The following FOXN2 variants were observed in gnomAD, a reference collection of about 807,000 sequenced individuals.
The protein encoded by FOXN2 is forkhead box protein N2.
In FOXN2, 19 loss-of-function variants were observed where a neutral mutation model predicts 41.2. The observed-to-expected ratio is 0.46, with a 90% CI of 0.32 to 0.68. The LOEUF is 0.68. Ranked by LOEUF, FOXN2 falls within the 30% of genes least tolerant of loss-of-function variation. FOXN2 has a pLI of 0.03. For synonymous variants in FOXN2, 195 were observed against 176.8 expected (o/e 1.10, Z -0.82); for missense variants, 587 against 509.4 (o/e 1.15, Z -1.47).
chr2:48,317,342 G>A (rs1186615864), intron 1 of FOXN2, among the ~76,000 whole-genome samples: 5 of 151,692 alleles, frequency 3.3e-5, no homozygotes, highest in Non-Finnish European at 5.9e-5. Flanking sequence ...CCAGCTACTC[G>A]TGAGGCTGAG....
intron 2 of FOXN2, among the ~76,000 whole-genome samples, chr2:48,342,777 T>C (rs906285426): frequency 3.3e-5 from 5 of 152,150 alleles, no homozygotes; most frequent in African/African-American, 9.7e-5. Context: ...TAAACGGCTT[T>C]TTTTCCTTCT....
chr2:48,346,836 G>A, intron 3 of FOXN2, 85 bp downstream of exon 3: 1 of 1,145,694 alleles, frequency 8.7e-7, no homozygotes, highest in Admixed American at 2.7e-5. Context: ...AAATCGGGGA[G>A]ACAATAAGTA....
chr2:48,324,155 C>T (rs1429276901), intron 1 of FOXN2, among the ~76,000 whole-genome samples: 5 of 151,382 alleles, frequency 3.3e-5, no homozygotes, highest in East Asian at 3.9e-4. Flanking sequence ...CATAGTATAA[C>T]GCATAGTATT....
At chr2:48,361,453 C>T (rs1035882264) in intron 4 of FOXN2, among the ~76,000 whole-genome samples, 3 of 146,344 alleles carry the variant, frequency 2.0e-5, no homozygotes, top group Admixed American at 6.9e-5. Flanking sequence ...GGCGACAGAG[C>T]GAGACTGTGT....
At chr2:48,357,671 A>G (rs1383655436) in intron 3 of FOXN2, among the ~76,000 whole-genome samples, 1 of 151,936 alleles carries the variant, frequency 6.6e-6, no homozygotes, top group Non-Finnish European at 1.5e-5. Context: ...TCCTGAGCAC[A>G]AGCAATCACC....
chr2:48,316,316 A>G (rs1668917470), intron 1 of FOXN2, among the ~76,000 whole-genome samples: 1 of 152,206 alleles, frequency 6.6e-6, no homozygotes, highest in Admixed American at 6.5e-5. Context: ...ATGGGGAATA[A>G]TAGAGTAGTG....
intron 1 of FOXN2, among the ~76,000 whole-genome samples, chr2:48,325,924 C>T (rs1669642389): frequency 6.7e-6 from 1 of 148,938 alleles, no homozygotes; most frequent in Admixed American, 6.8e-5. Context: ...TTTTGGCTCA[C>T]TGCAAACTGT....
chr2:48,348,866 A>G (rs886950166), intron 3 of FOXN2, among the ~76,000 whole-genome samples: 1 of 152,192 alleles, frequency 6.6e-6, no homozygotes, highest in African/African-American at 2.4e-5. Flanking sequence ...GAGAGAGGTA[A>G]GATAGCTCTC....
In FOXN2 at chr2:48,331,356, A is replaced by G. The variant is rs144935388; in HGVS notation, c.-15+2654A>G. 5.0e-3 allele frequency among the ~76,000 whole-genome samples: 765 copies of G among 152,320 alleles called. 7 individuals are homozygous for G. Among genetic ancestry groups the G allele is most frequent in the African/African-American group, 0.017 (713 of 41,574 alleles). On this transcript the variant is annotated intron_variant, in intron 2 of 6. Coordinates refer to ENST00000340553, the MANE Select transcript of FOXN2 (RefSeq NM_002158.4). ...GGACTCTAAGAACTATAGTATAGGT[A>G]AGATAGAAACAATTAAAATTGAAAA...
chr2:48,362,642 G>T lies in FOXN2; in HGVS notation c.639-1G>T. 6.2e-7 allele frequency: 1 copy of T among 1,613,186 alleles called. No individual in the cohort carries two copies. The highest frequency in any genetic ancestry group is 1.7e-5 in the Admixed American group (1 of 59,800). ...TATTTGCTTTTCTGTTTGTTTTTCA[G>T]TGGTTCTTTATCACCTCACTATTTA... is the stretch of plus-strand genomic sequence containing the variant. On this transcript the variant is annotated splice_acceptor_variant, in intron 4 of 6. Coordinates refer to ENST00000340553, the MANE Select transcript of FOXN2 (RefSeq NM_002158.4). LOFTEE classifies it high-confidence loss of function.
chr2:48,367,223 G>C (rs760119048), intron 5 of FOXN2, among the ~76,000 whole-genome samples: 2 of 152,080 alleles, frequency 1.3e-5, no homozygotes, highest in African/African-American at 4.8e-5. Context: ...TCAATAGTTT[G>C]GTTTGGTGTG....
intron 3 of FOXN2, among the ~76,000 whole-genome samples, chr2:48,349,853 A>G (rs1275284004): frequency 1.3e-5 from 2 of 152,264 alleles, no homozygotes; most frequent in African/African-American, 4.8e-5. Context: ...CAGAAATGGC[A>G]GTCGTAAAAG....
Position 48,338,691 on chromosome 2 carries a change from G to A in FOXN2, c.-14-7510G>A, listed in dbSNP as rs1246591485. ...TGAGATTACAGGCATGAGCCACCGC[G>A]CCTGGCCTGAAATTTTTAATAAATG... On this transcript the variant is annotated intron_variant, in intron 2 of 6. Coordinates refer to ENST00000340553, the MANE Select transcript of FOXN2 (RefSeq NM_002158.4). 3.9e-5 allele frequency among the ~76,000 whole-genome samples: 6 copies of A among 152,176 alleles called. No homozygotes were observed. In the East Asian group the frequency reaches 9.7e-4, roughly 25 times the overall value.
intron 1 of FOXN2, among the ~76,000 whole-genome samples, chr2:48,316,605 G>A (rs1305309419): frequency 6.6e-6 from 1 of 152,064 alleles, no homozygotes; most frequent in African/African-American, 2.4e-5. Flanking sequence ...TAATATGAAC[G>A]TTAACATGAA....
At chr2:48,324,746 A>G (rs1457636603) in intron 1 of FOXN2, among the ~76,000 whole-genome samples, 1 of 152,210 alleles carries the variant, frequency 6.6e-6, no homozygotes, top group Non-Finnish European at 1.5e-5. Flanking sequence ...AGTATCTTAT[A>G]AAATAACTTT....
intron 5 of FOXN2, among the ~76,000 whole-genome samples, chr2:48,365,835 C>T (rs1276612986): frequency 6.6e-6 from 1 of 152,180 alleles, no homozygotes; most frequent in Non-Finnish European, 1.5e-5. Context: ...CATAAAACCT[C>T]ACAAAAATTT....
chr2:48,324,506 A>AT (rs978751173), intron 1 of FOXN2, among the ~76,000 whole-genome samples: 5 of 151,472 alleles, frequency 3.3e-5, no homozygotes, highest in South Asian at 4.2e-4. Context: ...CATCCTTCAA[A>AT]TTTTTTTTTG....
intron 3 of FOXN2, among the ~76,000 whole-genome samples, chr2:48,356,424 C>G (rs1007079114): frequency 2.6e-5 from 4 of 151,794 alleles, no homozygotes; most frequent in African/African-American, 9.7e-5. Flanking sequence ...CTGATTGACA[C>G]AGCGAGACTG....
At chr2:48,342,952 A>G (rs139526093) in intron 2 of FOXN2, among the ~76,000 whole-genome samples, 4 of 152,336 alleles carry the variant, frequency 2.6e-5, no homozygotes, top group African/African-American at 9.6e-5. Context: ...ATTTTTTTGT[A>G]AACTTGTAAT....
Sources: allele counts gnomAD v4.1 joint callset (sites outside exome capture counted in the v4.1 genomes callset), GRCh38; gene constraint gnomAD v4.1.1; transcripts MANE v1.5; gene names NCBI Gene and HGNC (gene_info 2026-07-23, HGNC 2026-07-21).